NFKBIB: variants seen among roughly 807,000 people sequenced by gnomAD.
NFKBIB encodes NFKB inhibitor beta, also known as NF-kappa-B inhibitor beta.
In NFKBIB, 16 loss-of-function variants were observed where a neutral mutation model predicts 32.1. That is an observed-to-expected ratio of 0.50 (90% CI 0.34 to 0.76). The LOEUF (loss-of-function observed/expected upper bound fraction) is 0.76. NFKBIB is among the 30% of genes least tolerant of loss of function. The probability of loss-of-function intolerance (pLI) is 0.01; values close to 1 mark genes in which losing one functional copy is unlikely to be tolerated. For synonymous variants in NFKBIB, 222 were observed against 219.5 expected, an observed-to-expected ratio of 1.01 and a Z score of -0.10; for missense variants, 437 against 514.9, an observed-to-expected ratio of 0.85 and a Z score of 1.46.
intron 1 of NFKBIB, among the ~76,000 whole-genome samples, 200 bp from the exon 2 acceptor site, chr19:38,904,815 G>C (rs886426404): frequency 6.6e-6 from 1 of 152,122 alleles, no homozygotes; most frequent in Non-Finnish European, 1.5e-5. Flanking sequence ...ATTTTGGGCA[G>C]AAGTGGAAAT....
At chr19:38,907,167 T>TG in intron 3 of NFKBIB, 54 bp from the exon 4 acceptor site, 1 of 1,511,642 alleles carries the variant, frequency 6.6e-7, no homozygotes, top group East Asian at 2.3e-5. Context: ...CAAAGCACGG[T>TG]GGGGTGGGGG....
chr19:38,906,954 A>T lies in NFKBIB; in HGVS notation c.620-267A>T, dbSNP rs190925604. 6.9e-3 allele frequency among the ~76,000 whole-genome samples: 1,053 copies of T among 152,094 alleles called. 7 individuals are homozygous for T. Among genetic ancestry groups the T allele is most frequent in the Non-Finnish European group, 0.011 (753 of 67,992 alleles). On this transcript the variant is annotated intron_variant, in intron 3 of 5. Transcript: ENST00000313582. Reference sequence around the variant, plus strand: ...ACTTGGGTCTCCTCCTGGCCCCAAAATCCAGGCTCCCTGTCCACAGACCCC... The same window carrying T: ...ACTTGGGTCTCCTCCTGGCCCCAAATTCCAGGCTCCCTGTCCACAGACCCC...
At chr19:38,908,119 C>A in intron 5 of NFKBIB, 1 of 1,008,868 alleles carries the variant, frequency 9.9e-7, no homozygotes. Flanking sequence ...GGGCAAGGCG[C>A]GGTGCTGGAT....
At chr19:38,899,906 G>T, upstream of NFKBIB, 4 of 984,738 alleles carry the variant, frequency 4.1e-6, no homozygotes, top group African/African-American at 1.6e-5. Flanking sequence ...GAGCGATTCA[G>T]CATATTATCA....
chr19:38,901,956 T>C (rs1295899210), intron 1 of NFKBIB, among the ~76,000 whole-genome samples: 1 of 152,150 alleles, frequency 6.6e-6, no homozygotes, highest in Non-Finnish European at 1.5e-5. Flanking sequence ...ATTTATCCCA[T>C]GTCTATTATA....
rs1266108787 is a variant in NFKBIB at position 38,907,565 on chromosome 19, T to G, written c.875T>G (p.Leu292Arg). The G allele has an allele frequency of 1.2e-6, 2 of 1,612,394 alleles. No homozygotes were observed. Among genetic ancestry groups the G allele is most frequent in the Non-Finnish European group, 8.5e-7 (1 of 1,179,632 alleles). The change falls in exon 5 of 6, where the codon CTC (leucine) becomes CGC (arginine). Residue 292 changes from leucine to arginine, a missense_variant. By Grantham distance (102) the Leu-to-Arg change is moderately radical. Transcript: ENST00000313582. The part of the protein sequence containing the change: ...MLRPNPILAR[L>R]LRAHGAPEPE... The stretch of plus-strand genomic sequence containing the variant: ...CGGCCCAACCCCATCCTCGCCCGCC[T>G]CCTCCGTGCACACGGAGCCCCTGAG...
rs1304569724 is a variant in NFKBIB, at chr19:38,900,025, CGGGGGCCATGGCT to C, written c.-3_10del. On this transcript the variant is annotated start_lost and 5_prime_UTR_variant, in exon 1 of 6. Transcript: ENST00000313582. The stretch of plus-strand genomic sequence containing the variant: ...CGACTGCGGGGGGCCCCTGAGGCGG[CGGGGGCCATGGCT>C]GGGGTCGCGTGCTTGGGAAAAGCTG... The C allele has an allele frequency of 6.8e-7, 1 of 1,460,500 alleles. No individual in the cohort carries two copies. The highest frequency in any genetic ancestry group is 9.0e-7 in the Non-Finnish European group (1 of 1,108,592). The allele number at this position is 1,460,500 out of a possible 1,614,324, so 90.5% of individuals were successfully genotyped here.
chr19:38,908,602 G>T (rs1247347533), intron 5 of NFKBIB, 129 bp from the exon 6 acceptor site: 6 of 1,389,606 alleles, frequency 4.3e-6, no homozygotes, highest in Non-Finnish European at 5.6e-6. Context: ...AAACTGGGAG[G>T]TTGAGCCAGG....
At position 38,907,478 on chromosome 19, in the gene NFKBIB, C is replaced by A. The variant is rs778568843; in HGVS notation, c.788C>A (p.Ala263Glu). 6.2e-7 allele frequency: 1 copy of A among 1,611,708 alleles called. No homozygotes were observed. Among genetic ancestry groups the A allele is most frequent in the Admixed American group, 1.7e-5 (1 of 59,978 alleles). ...GATGTGCTGGAGCTTCTCCTGAGGG[C>A]AGGCGCGAACCCTGCTGCCCGCATG... ...AADVLELLLR[A>E]GANPAARMYG... Residue 263 changes from alanine (A) to glutamate (E), a missense_variant, in exon 5 of 6, where the codon GCA becomes GAA. Ala to Glu is a moderately radical substitution (Grantham distance 107, BLOSUM62 -1). Coordinates refer to ENST00000313582, the MANE Select transcript of NFKBIB (RefSeq NM_002503.5).
chr19:38,908,648 T>A, intron 5 of NFKBIB, 83 bp from the exon 6 acceptor site: 1 of 1,486,508 alleles, frequency 6.7e-7, no homozygotes, highest in Non-Finnish European at 8.9e-7. Flanking sequence ...GAGACCTAAT[T>A]CTTAGGGTGC....
intron 1 of NFKBIB, among the ~76,000 whole-genome samples, chr19:38,900,950 GAC>G (rs1410986624): frequency 1.3e-5 from 2 of 152,098 alleles, no homozygotes; most frequent in African/African-American, 4.8e-5. Context: ...AACAAAGAAA[GAC>G]ACGCAGAAAG....
intron 1 of NFKBIB, among the ~76,000 whole-genome samples, chr19:38,900,719 A>AT (rs1973925107): frequency 6.6e-6 from 1 of 152,226 alleles, no homozygotes; most frequent in Non-Finnish European, 1.5e-5. Flanking sequence ...AAATAGGAAA[A>AT]TTAAAAAAAA....
chr19:38,899,787 G>C (rs199845852), upstream of NFKBIB: 15 of 674,886 alleles, frequency 2.2e-5, no homozygotes, highest in Non-Finnish European at 3.8e-5. Flanking sequence ...AAGGCGTGGC[G>C]TCAGCAGCCA....
Position 38,905,590 on chromosome 19 carries a change from G to A in NFKBIB, c.619+55G>A. 1 of 1,412,992 alleles carries A rather than the reference G, an allele frequency of 7.1e-7. No homozygotes were observed. 87.5% of individuals were successfully genotyped at this position (1,412,992 alleles called of 1,614,324 possible). ...CTCCTGGGCTAGGCGAGAGCACCTG[G>A]CCCTGGGCTCAGCTTCCCTGATTTG... On this transcript the variant is annotated intron_variant, in intron 3 of 5. Coordinates refer to ENST00000313582, the MANE Select transcript of NFKBIB (RefSeq NM_002503.5). This position sits in a 1 kb window ranked among gnomAD's most constrained non-coding sequence, Gnocchi z 5.5.
chr19:38,903,959 A>G (rs1450731355), intron 1 of NFKBIB, among the ~76,000 whole-genome samples: 3 of 151,944 alleles, frequency 2.0e-5, no homozygotes, highest in African/African-American at 7.3e-5. Flanking sequence ...GGTTCCGGCT[A>G]CTCGGGAGGC....
intron 5 of NFKBIB, 112 bp downstream of exon 5, chr19:38,907,771 CAGG>C: frequency 6.9e-7 from 1 of 1,454,644 alleles, no homozygotes; most frequent in Admixed American, 2.6e-5. Flanking sequence ...TTAGAGAACT[CAGG>C]CAGCAGCGCC....
intron 1 of NFKBIB, among the ~76,000 whole-genome samples, chr19:38,901,290 G>A (rs1054918365): frequency 2.0e-5 from 3 of 151,614 alleles, no homozygotes; most frequent in African/African-American, 7.3e-5. Context: ...TATTCAATTG[G>A]TCTCTGTTCT....
At chr19:38,906,853 T>C (rs1974140954) in intron 3 of NFKBIB, among the ~76,000 whole-genome samples, 2 of 151,376 alleles carry the variant, frequency 1.3e-5, no homozygotes, top group African/African-American at 4.9e-5. Context: ...TCCTCTTGCT[T>C]TGGCCTCCCA....
At position 38,904,994 on chromosome 19, in the gene NFKBIB, C is replaced by G. The variant is rs111943225; in HGVS notation, c.180-21C>G. Reference sequence around the variant, plus strand: ...CAAGAGGACTTGAACTTTGCCCTCTCACCCCGGTCTTTGTCCCCAGGGCAC... The same window carrying G: ...CAAGAGGACTTGAACTTTGCCCTCTGACCCCGGTCTTTGTCCCCAGGGCAC... On this transcript the variant is annotated intron_variant, in intron 1 of 5. Transcript: ENST00000313582. 11,930 of 1,610,888 alleles carry G rather than the reference C, an allele frequency of 7.4e-3. 55 individuals are homozygous for G. The highest frequency in any genetic ancestry group is 8.7e-3 in the Non-Finnish European group (10,265 of 1,177,468).
Sources: gnomAD v4.1 joint callset for allele counts (sites outside exome capture counted in the v4.1 genomes callset) on GRCh38, gnomAD v4.1.1 for gene constraint, Gnocchi (gnomAD v3.1) non-coding constraint, MANE v1.5 for transcripts, NCBI Gene and HGNC (gene_info 2026-07-23, HGNC 2026-07-21) for gene names.